Variants in FRMPD4 observed in about 807,000 individuals in gnomAD.
FRMPD4 encodes the protein FERM and PDZ domain-containing protein 4.
A neutral mutation model predicts 94.1 loss-of-function variants in FRMPD4; 22 were observed. That is an observed-to-expected ratio of 0.23 (90% confidence interval 0.17 to 0.33). FRMPD4 has a LOEUF of 0.33. FRMPD4 is among the 10% of genes least tolerant of loss of function. The pLI is 1.00. For synonymous variants in FRMPD4, 631 were observed against 548.6 expected, an observed-to-expected ratio of 1.15 and a Z score of -2.10; for missense variants, 1,111 against 1,339.9, an observed-to-expected ratio of 0.83 and a Z score of 2.67.
At chrX:12,092,159 C>T (rs1263848401) in intron 3 of FRMPD4, among the ~76,000 whole-genome samples, 2 of 112,072 alleles carry the variant, frequency 1.8e-5, no homozygotes, top group African/African-American at 6.5e-5. Context: ...ACCCTGCTGC[C>T]TCTTTCTTCT....
chrX:12,070,738 T>C (rs900793352), intron 3 of FRMPD4, among the ~76,000 whole-genome samples: 5 of 112,306 alleles, frequency 4.5e-5, no homozygotes, highest in Admixed American at 1.9e-4. Flanking sequence ...CATCATCTCA[T>C]ATAAAAGATG....
At chrX:12,142,854 C>G (rs1409734507) in intron 1 of FRMPD4, among the ~76,000 whole-genome samples, 2 of 111,784 alleles carry the variant, frequency 1.8e-5, no homozygotes, top group Non-Finnish European at 3.8e-5. Flanking sequence ...TTGGTACAGA[C>G]TGACAGCTGC....
intron 4 of FRMPD4, among the ~76,000 whole-genome samples, chrX:12,668,840 G>A (rs1048106559): frequency 9.0e-6 from 1 of 110,647 alleles, no homozygotes; most frequent in African/African-American, 3.3e-5. Context: ...CCTGACCTCA[G>A]GTGATCCACC....
At chrX:12,537,918 C>A (rs1333188336) in intron 2 of FRMPD4, among the ~76,000 whole-genome samples, 1 of 111,498 alleles carries the variant, frequency 9.0e-6, no homozygotes, top group Non-Finnish European at 1.9e-5. Context: ...GTCCAGCCTA[C>A]AGCTCCCAGT....
chrX:12,573,971 G>T (rs766255734), intron 2 of FRMPD4, among the ~76,000 whole-genome samples: 1 of 112,136 alleles, frequency 8.9e-6, no homozygotes, highest in Non-Finnish European at 1.9e-5. Context: ...TTATAAATAT[G>T]TTGCTTATGT....
chrX:12,016,731 G>A (rs1277026499), intron 3 of FRMPD4, among the ~76,000 whole-genome samples: 3 of 112,078 alleles, frequency 2.7e-5, no homozygotes, highest in Middle Eastern at 4.6e-3. Context: ...GAGGTATATA[G>A]GCCAAAGTAC....
intron 3 of FRMPD4, among the ~76,000 whole-genome samples, chrX:12,128,122 G>T (rs758447164): frequency 1.8e-5 from 2 of 112,860 alleles, no homozygotes; most frequent in Non-Finnish European, 3.8e-5. Flanking sequence ...TCTGGAGGAT[G>T]GTGGCCTTCT....
At chrX:12,079,366 T>C (rs2055045039) in intron 3 of FRMPD4, among the ~76,000 whole-genome samples, 1 of 110,345 alleles carries the variant, frequency 9.1e-6, no homozygotes, top group African/African-American at 3.3e-5. Context: ...TCTCAGGACA[T>C]TTAACTAAAA....
At chrX:12,420,159 T>TGCCCATACCAGAAGTTTGGA (rs1443721982) in intron 1 of FRMPD4, among the ~76,000 whole-genome samples, 1 of 111,810 alleles carries the variant, frequency 8.9e-6, no homozygotes, top group Admixed American at 9.5e-5. Flanking sequence ...TCTGTCTAGT[T>TGCCCATACCAGAAGTTTGGA]GCCCATACCA....
At chrX:11,961,096 A>G (rs763162066) in intron 3 of FRMPD4, among the ~76,000 whole-genome samples, 16 of 111,648 alleles carry the variant, frequency 1.4e-4, no homozygotes, top group Non-Finnish European at 3.0e-4. Flanking sequence ...ACAAATTTCT[A>G]TAGTCACTTC....
intron 3 of FRMPD4, among the ~76,000 whole-genome samples, chrX:12,132,760 C>T (rs4361928): frequency 0.13 from 14,231 of 110,229 alleles, 1,439 homozygotes; most frequent in East Asian, 0.61. Flanking sequence ...GCTGTTGGAT[C>T]CAGCTACGTG....
chrX:12,358,140 T>G (rs1215755663), intron 1 of FRMPD4, among the ~76,000 whole-genome samples: 2 of 112,493 alleles, frequency 1.8e-5, no homozygotes, highest in African/African-American at 6.5e-5. Flanking sequence ...TTCTCCAGTT[T>G]ATGAGCGTGT....
chrX:11,991,390 A>C (rs1355903594), intron 3 of FRMPD4, among the ~76,000 whole-genome samples: 1 of 112,019 alleles, frequency 8.9e-6, no homozygotes, highest in Admixed American at 9.5e-5. Flanking sequence ...ACTATCATGT[A>C]AAACAAGGAG....
intron 1 of FRMPD4, among the ~76,000 whole-genome samples, chrX:11,864,683 C>T (rs1183934072): frequency 9.0e-6 from 1 of 111,416 alleles, no homozygotes; most frequent in Non-Finnish European, 1.9e-5. Flanking sequence ...TACTCATCTG[C>T]TTTCCCACTA....
intron 1 of FRMPD4, among the ~76,000 whole-genome samples, chrX:12,483,506 C>G (rs1211503125): frequency 8.9e-6 from 1 of 112,128 alleles, no homozygotes; most frequent in Non-Finnish European, 1.9e-5. Flanking sequence ...CTTCTATAAA[C>G]AAAGTAGGAG....
chrX:12,331,456 A>G (rs12009730), intron 1 of FRMPD4, among the ~76,000 whole-genome samples: 6,074 of 102,663 alleles, frequency 0.059, 466 homozygotes, highest in African/African-American at 0.2. Context: ...AAAAGTTCAC[A>G]TCTGAATTAG....
chrX:11,884,664 C>T (rs2053835664), intron 3 of FRMPD4, among the ~76,000 whole-genome samples: 1 of 110,745 alleles, frequency 9.0e-6, no homozygotes, highest in Admixed American at 9.7e-5. Context: ...TATAAATTTC[C>T]TTTGAATTTA....
intron 1 of FRMPD4, among the ~76,000 whole-genome samples, chrX:12,439,108 C>T (rs1422107833): frequency 9.0e-6 from 1 of 111,293 alleles, no homozygotes; most frequent in Non-Finnish European, 1.9e-5. Flanking sequence ...TGTCTCCCTC[C>T]AGGACAAAGT....
chrX:12,111,753 G>A (rs1326664836), intron 3 of FRMPD4, among the ~76,000 whole-genome samples: 5 of 111,611 alleles, frequency 4.5e-5, no homozygotes, highest in Non-Finnish European at 7.5e-5. Context: ...ACAAGTGGGC[G>A]AAGGATATGA....
Sources: allele counts gnomAD v4.1 joint callset (sites outside exome capture counted in the v4.1 genomes callset), GRCh38; gene constraint gnomAD v4.1.1; transcripts MANE v1.5; gene names NCBI Gene and HGNC (gene_info 2026-07-23, HGNC 2026-07-21).